RMDN2: variants seen among roughly 807,000 people sequenced by gnomAD.
The protein encoded by RMDN2 is regulator of microtubule dynamics protein 2.
Under a neutral mutation model 52.8 loss-of-function variants are expected in RMDN2, and 61 were observed. The observed-to-expected ratio is 1.16, with a 90% CI of 0.94 to 1.43. RMDN2 has a LOEUF of 1.43. Ranked by LOEUF, RMDN2 falls within the 40% of genes most tolerant of loss-of-function variation. The pLI is 0.00. For missense variants in RMDN2, 592 were observed against 475.3 expected (o/e 1.25, Z -2.28); for synonymous variants, 180 against 153.1 (o/e 1.18, Z -1.30).
chr2:38,021,954 T>C (rs1237468955), downstream of RMDN2, among the ~76,000 whole-genome samples: 1 of 152,242 alleles, frequency 6.6e-6, no homozygotes, highest in East Asian at 1.9e-4. Context: ...ATAGGATATT[T>C]TGTCAATTTA....
At chr2:38,058,062 G>A (rs1038281385) in intron 10 of RMDN2, among the ~76,000 whole-genome samples, 4 of 152,204 alleles carry the variant, frequency 2.6e-5, no homozygotes, top group East Asian at 1.9e-4. Flanking sequence ...GAAAATGTCC[G>A]ACTCATAATA....
intron 2 of RMDN2, among the ~76,000 whole-genome samples, chr2:37,954,767 C>T (rs538794586): frequency 6.6e-6 from 1 of 152,226 alleles, no homozygotes; most frequent in African/African-American, 2.4e-5. Flanking sequence ...AGAGGGATTG[C>T]ATTGCATCTG....
chr2:37,950,252 G>A, intron 2 of RMDN2: 2 of 455,582 alleles, frequency 4.4e-6, no homozygotes, highest in South Asian at 2.1e-5. Flanking sequence ...TTGTACAGCT[G>A]TCATATATGT....
chr2:38,009,941 C>T (rs1023109385), intron 10 of RMDN2, among the ~76,000 whole-genome samples: 2 of 152,190 alleles, frequency 1.3e-5, no homozygotes, highest in Non-Finnish European at 2.9e-5. Context: ...TCAGGACCCT[C>T]AGCTGCAGGT....
intron 10 of RMDN2, among the ~76,000 whole-genome samples, chr2:38,060,468 T>C (rs1350113576): frequency 1.3e-5 from 2 of 152,218 alleles, no homozygotes; most frequent in African/African-American, 4.8e-5. Context: ...AGCTCTAGAA[T>C]GCCAACTGGA....
chr2:37,989,139 T>C (rs1469444383), intron 5 of RMDN2, among the ~76,000 whole-genome samples: 9 of 152,226 alleles, frequency 5.9e-5, no homozygotes, highest in Non-Finnish European at 1.3e-4. Flanking sequence ...TTTAATGTTA[T>C]AAATCTGTTG....
intron 10 of RMDN2, among the ~76,000 whole-genome samples, chr2:38,061,317 C>T (rs181218271): frequency 1.7e-3 from 254 of 152,240 alleles, no homozygotes; most frequent in African/African-American, 5.8e-3. Flanking sequence ...TGGCAGGGAA[C>T]GGTCTGGACC....
intron 10 of RMDN2, among the ~76,000 whole-genome samples, chr2:38,041,073 A>G (rs1262112581): frequency 6.6e-6 from 1 of 152,172 alleles, no homozygotes; most frequent in East Asian, 1.9e-4. Context: ...GTATCCTGCT[A>G]TAATTGTTTA....
At chr2:37,991,680 G>T (rs899939707) in intron 7 of RMDN2, among the ~76,000 whole-genome samples, 1 of 152,060 alleles carries the variant, frequency 6.6e-6, no homozygotes, top group Non-Finnish European at 1.5e-5. Flanking sequence ...CACACACCCT[G>T]TGTCTAGGTA....
At chr2:37,986,606 C>A (rs6731506) in intron 5 of RMDN2, among the ~76,000 whole-genome samples, 92,017 of 151,874 alleles carry the variant, frequency 0.61, 29,943 homozygotes, top group East Asian at 0.89. Context: ...TATTCCTGGT[C>A]TGCAAGACCA....
chr2:38,008,325 T>A (rs897678627), intron 10 of RMDN2, among the ~76,000 whole-genome samples: 7 of 152,314 alleles, frequency 4.6e-5, no homozygotes, highest in African/African-American at 1.7e-4. Flanking sequence ...CTCCCATTAT[T>A]ACTGTGTGGG....
chr2:37,945,714 T>G, intron 2 of RMDN2, among the ~76,000 whole-genome samples: 1 of 152,290 alleles, frequency 6.6e-6, no homozygotes, highest in Middle Eastern at 3.4e-3. Context: ...TGTTTTATAT[T>G]TATTATCTCA....
intron 2 of RMDN2, among the ~76,000 whole-genome samples, chr2:37,943,116 T>A (rs1369292530): frequency 6.6e-6 from 1 of 152,182 alleles, no homozygotes; most frequent in Non-Finnish European, 1.5e-5. Flanking sequence ...GGAAAGCCGT[T>A]CGCGTTCTGG....
intron 2 of RMDN2, among the ~76,000 whole-genome samples, chr2:37,968,438 CAA>C (rs71400332): frequency 0.33 from 29,022 of 87,276 alleles, 1,951 homozygotes; most frequent in South Asian, 0.46. Context: ...GACTCTGTCT[CAA>C]AAAAAAAAAA....
intron 10 of RMDN2, among the ~76,000 whole-genome samples, chr2:38,049,170 G>T (rs528215959): frequency 2.6e-5 from 4 of 152,110 alleles, no homozygotes; most frequent in Admixed American, 2.0e-4. Context: ...CTTATTACAC[G>T]GTCGCCTAGG....
At chr2:37,984,492 G>A (rs1187675591) in intron 5 of RMDN2, among the ~76,000 whole-genome samples, 1 of 152,198 alleles carries the variant, frequency 6.6e-6, no homozygotes, top group Non-Finnish European at 1.5e-5. Flanking sequence ...ATGAATGTGT[G>A]TATTGATTAG....
At chr2:38,024,395 C>G (rs926607509) in intron 10 of RMDN2, among the ~76,000 whole-genome samples, 12 of 152,252 alleles carry the variant, frequency 7.9e-5, no homozygotes, top group African/African-American at 2.9e-4. Context: ...ACATTCTCAC[C>G]AACAGCGTCT....
chr2:37,983,883 C>T lies in RMDN2; in HGVS notation c.791+2540C>T, dbSNP rs1673646775. On this transcript the variant is annotated intron_variant, in intron 5 of 10. Transcript: ENST00000354545. ...ATAGCCTGCAGATGAATTTGACTGC[C>T]TGTTTTTGTAAATAAAGTTTTATTG... Among the ~76,000 whole-genome samples, 4 of 152,064 alleles carry T rather than the reference C, an allele frequency of 2.6e-5. No individual in the cohort carries two copies. The South Asian group carries it at 8.3e-4, about 32-fold the overall frequency.
Position 37,951,471 on chromosome 2 carries a change from A to C in RMDN2, c.452+21742A>C, listed in dbSNP as rs770821482. 6 of 1,612,398 alleles carry C rather than the reference A, an allele frequency of 3.7e-6. No individual in the cohort carries two copies. In the South Asian group the frequency reaches 6.6e-5, roughly 18 times the overall value. The stretch of plus-strand genomic sequence containing the variant: ...TTCTTTATTTGTTGGATTTCAAAAA[A>C]GAAATGCTTCCCCTTACTGGCAACA... On this transcript the variant is annotated intron_variant, in intron 2 of 10. Transcript: ENST00000354545.
Sources: allele counts gnomAD v4.1 joint callset (sites outside exome capture counted in the v4.1 genomes callset), GRCh38; gene constraint gnomAD v4.1.1; transcripts MANE v1.5; gene names NCBI Gene and HGNC (gene_info 2026-07-23, HGNC 2026-07-21).